The following BRCA1 variants were observed in gnomAD, a reference collection of about 807,000 sequenced individuals.
BRCA1 encodes the protein breast cancer type 1 susceptibility protein.
BRCA1 carries 140 observed loss-of-function variants against 173.7 expected under a neutral mutation model. The ratio of observed to expected loss-of-function variants is 0.81; its 90% CI spans 0.70 to 0.93. BRCA1 has a LOEUF of 0.93. Ranked by LOEUF, BRCA1 falls within the 40% of genes least tolerant of loss-of-function variation. The pLI is 0.00. For synonymous variants in BRCA1, 662 were observed against 756.0 expected, an observed-to-expected ratio of 0.88 and a Z score of 2.04; for missense variants, 1,983 against 2,172.5, an observed-to-expected ratio of 0.91 and a Z score of 1.73.
chr17:43,136,370 C>A (rs1477257380), intron 1 of BRCA1, among the ~76,000 whole-genome samples: 1 of 152,150 alleles, frequency 6.6e-6, no homozygotes, highest in Non-Finnish European at 1.5e-5. Context: ...AGGACATAGG[C>A]AGGGGCAAAG....
chr17:43,090,381 T>C lies in BRCA1; in HGVS notation c.4185+563A>G, dbSNP rs8176155. ...ATAGGGGAAATGATGTGTTTTTGTT[T>C]GTTTGTTTTTGAGATGGAGTCTCAC... On this transcript the variant is annotated intron_variant, in intron 11 of 22. Coordinates refer to ENST00000357654, the MANE Select transcript of BRCA1 (RefSeq NM_007294.4). Among the ~76,000 whole-genome samples, 195 of 152,292 alleles carry C rather than the reference T, an allele frequency of 1.3e-3. 1 individual carries two copies. The highest frequency in any genetic ancestry group is 4.5e-3 in the African/African-American group (185 of 41,556).
intron 1 of BRCA1, among the ~76,000 whole-genome samples, chr17:43,133,483 G>A (rs1461912969): frequency 6.6e-6 from 1 of 152,062 alleles, no homozygotes; most frequent in Non-Finnish European, 1.5e-5. Context: ...AATAACTCTG[G>A]GTAGTGCTTT....
chr17:43,069,346 C>T (rs1276310841), intron 15 of BRCA1, among the ~76,000 whole-genome samples: 1 of 152,100 alleles, frequency 6.6e-6, no homozygotes, highest in Non-Finnish European at 1.5e-5. Flanking sequence ...ATAAATTTAC[C>T]ACACTTCACC....
intron 18 of BRCA1, among the ~76,000 whole-genome samples, chr17:43,059,327 T>C (rs1464724771): frequency 3.9e-5 from 6 of 151,970 alleles, no homozygotes; most frequent in Non-Finnish European, 1.5e-5. Context: ...AGCCAGGCAT[T>C]GTGGCAGGTG....
chr17:43,087,895 C>T (rs903610134), intron 11 of BRCA1, among the ~76,000 whole-genome samples: 2 of 146,266 alleles, frequency 1.4e-5, no homozygotes, highest in African/African-American at 5.0e-5. Flanking sequence ...CTAAGCCTCA[C>T]TAATTTTTTT....
intron 16 of BRCA1, among the ~76,000 whole-genome samples, chr17:43,064,800 G>A (rs2051982827): frequency 6.7e-6 from 1 of 149,322 alleles, no homozygotes; most frequent in South Asian, 2.1e-4. Context: ...TGAGTTTAAA[G>A]ACTGAACTAC....
chr17:43,074,814 G>A (rs1279751009), intron 13 of BRCA1, among the ~76,000 whole-genome samples: 2 of 151,950 alleles, frequency 1.3e-5, no homozygotes, highest in Admixed American at 6.6e-5. Context: ...TCAGCTACTC[G>A]GGAGGCTGAG....
intron 11 of BRCA1, among the ~76,000 whole-genome samples, chr17:43,086,577 A>G (rs918944303): frequency 5.3e-5 from 8 of 152,254 alleles, no homozygotes; most frequent in African/African-American, 1.9e-4. Flanking sequence ...AACACGTTGC[A>G]AAATGAATCC....
Position 43,124,505 on chromosome 17 carries a change from C to T in BRCA1, c.-19-390G>A, listed in dbSNP as rs558378156. Reference sequence around the variant, plus strand: ...AAACCAACACCAATCAAGGCCTCCCCGCCCCTAACCTTTCCCAGTGACCTG... The same window carrying T: ...AAACCAACACCAATCAAGGCCTCCCTGCCCCTAACCTTTCCCAGTGACCTG... On this transcript the variant is annotated intron_variant, in intron 1 of 22. Transcript: ENST00000357654. Among the ~76,000 whole-genome samples, 9 of 152,282 alleles carry T rather than the reference C, an allele frequency of 5.9e-5. No individual in the cohort carries two copies. In the East Asian group the frequency reaches 9.6e-4, roughly 16 times the overall value.
chr17:43,056,910 A>G, intron 19 of BRCA1, 142 bp downstream of exon 19: 1 of 810,854 alleles, frequency 1.2e-6, no homozygotes, highest in Non-Finnish European at 2.2e-6. Flanking sequence ...GGAAGAGTGA[A>G]AAAAGAACCT....
At chr17:43,074,718 T>C (rs985622594) in intron 13 of BRCA1, among the ~76,000 whole-genome samples, 197 bp from the exon 14 acceptor site, 1 of 135,348 alleles carries the variant, frequency 7.4e-6, no homozygotes, top group Non-Finnish European at 1.7e-5. Flanking sequence ...ACATATAACA[T>C]GGGGTTGGGT....
At chr17:43,075,015 G>A (rs2052647070) in intron 13 of BRCA1, among the ~76,000 whole-genome samples, 1 of 144,270 alleles carries the variant, frequency 6.9e-6, no homozygotes, top group Non-Finnish European at 1.5e-5. Flanking sequence ...AGGAAAGAAA[G>A]GAAAGAAAGA....
chr17:43,145,008 AGAG>A (rs1276711457), intron 1 of BRCA1: 3 of 684,456 alleles, frequency 4.4e-6, no homozygotes, highest in Non-Finnish European at 8.4e-6. Context: ...GAAGAGCCCA[AGAG>A]GAGATCAGCG....
chr17:43,155,664 C>T (rs1222448299), intron 1 of BRCA1, among the ~76,000 whole-genome samples: 1 of 152,138 alleles, frequency 6.6e-6, no homozygotes, highest in Non-Finnish European at 1.5e-5. Context: ...TTCCAAGTAG[C>T]TGGGACTACA....
chr17:43,106,290 A>AT (rs1286753780), intron 4 of BRCA1, among the ~76,000 whole-genome samples, 166 bp downstream of exon 4: 1 of 152,212 alleles, frequency 6.6e-6, no homozygotes, highest in Non-Finnish European at 1.5e-5. Context: ...CAGATGTCCC[A>AT]TAAAACTTTC....
intron 1 of BRCA1, chr17:43,145,070 G>C (rs1489923084): frequency 1.2e-6 from 1 of 815,748 alleles, no homozygotes; most frequent in South Asian, 1.3e-5. Flanking sequence ...GCCGAAAAAG[G>C]CAGCAGCGAA....
intron 1 of BRCA1, 192 bp downstream of exon 1, chr17:43,125,079 G>A: frequency 2.3e-6 from 1 of 435,048 alleles, no homozygotes. Context: ...CCCCCTTCCT[G>A]ATCCTCAGCG....
In BRCA1 at chr17:43,045,425, T is replaced by C. The variant is rs1451773787; in HGVS notation, c.*253A>G. 1.5e-6 allele frequency: 1 copy of C among 682,988 alleles called. No homozygotes were observed. Among genetic ancestry groups the C allele is most frequent in the Admixed American group, 2.0e-5 (1 of 49,252 alleles). 42.3% of individuals were successfully genotyped at this position (682,988 alleles called of 1,614,324 possible). ...GCTCAATTGGTGGCGTTTAAATGGT[T>C]TTAAAATCTTCTCAGGTGAAAAATT... On this transcript the variant is annotated 3_prime_UTR_variant, in exon 23 of 23. Transcript: ENST00000357654.
At chr17:43,104,832 C>A in intron 5 of BRCA1, 36 bp downstream of exon 5, 1 of 1,556,902 alleles carries the variant, frequency 6.4e-7, no homozygotes, top group South Asian at 1.1e-5. Flanking sequence ...TCATGGACAG[C>A]ACTTGAGTGT....
Sources: allele counts gnomAD v4.1 joint callset (sites outside exome capture counted in the v4.1 genomes callset), GRCh38; gene constraint gnomAD v4.1.1; transcripts MANE v1.5; gene names NCBI Gene and HGNC (gene_info 2026-07-23, HGNC 2026-07-21).